The following CEP85L variants were observed in gnomAD, a reference collection of about 807,000 sequenced individuals.
The protein encoded by CEP85L is centrosomal protein of 85 kDa-like.
A neutral mutation model predicts 100.3 loss-of-function variants in CEP85L; 60 were observed. The ratio of observed to expected loss-of-function variants is 0.60; its 90% CI spans 0.49 to 0.74. CEP85L has a LOEUF of 0.74. CEP85L is among the 30% of genes least tolerant of loss of function. The pLI is 0.00. For missense variants in CEP85L, 973 were observed against 936.2 expected (o/e 1.04, Z -0.51); for synonymous variants, 319 against 322.7 (o/e 0.99, Z 0.12).
intron 2 of CEP85L, among the ~76,000 whole-genome samples, chr6:118,581,973 A>T (rs994466234): frequency 6.6e-6 from 1 of 152,146 alleles, no homozygotes; most frequent in East Asian, 1.9e-4. Context: ...CCCTATGTAC[A>T]GACTTTCTTT....
At position 118,637,988 on chromosome 6, in the gene CEP85L, T is replaced by C. The variant is rs956491168; in HGVS notation, c.74-5377A>G. ...TTTTCAGCTATCAATCTAGCAAAAATGTTAAAAGAACAAAACAACAGTGTT... is the reference window on the plus strand; with the variant it reads ...TTTTCAGCTATCAATCTAGCAAAAACGTTAAAAGAACAAAACAACAGTGTT... On this transcript the variant is annotated intron_variant, in intron 1 of 12. Coordinates refer to ENST00000368491, the MANE Select transcript of CEP85L (RefSeq NM_001042475.3). 2.0e-5 allele frequency among the ~76,000 whole-genome samples: 3 copies of C among 152,182 alleles called. No individual in the cohort carries two copies. In the East Asian group the frequency reaches 5.8e-4, roughly 29 times the overall value.
intron 1 of CEP85L, chr6:118,646,967 T>C: frequency 2.0e-6 from 2 of 985,392 alleles, no homozygotes; most frequent in Non-Finnish European, 2.4e-6. Flanking sequence ...AGTGATCAAA[T>C]TCCAATTATT....
At chr6:118,691,039 T>G (rs62423996) in intron 1 of CEP85L, among the ~76,000 whole-genome samples, 36,143 of 147,308 alleles carry the variant, frequency 0.25, 4,987 homozygotes, top group Non-Finnish European at 0.35. Context: ...AAGAGAAAGA[T>G]AAAAAGAAAG....
intron 1 of CEP85L, 103 bp downstream of exon 1, chr6:118,651,094 G>A: frequency 5.0e-6 from 7 of 1,392,912 alleles, no homozygotes; most frequent in Non-Finnish European, 5.5e-6. Flanking sequence ...GAGGCGGCCG[G>A]GGTAAGACAG....
intron 1 of CEP85L, among the ~76,000 whole-genome samples, chr6:118,705,815 G>A (rs1322528637): frequency 6.6e-6 from 1 of 152,102 alleles, no homozygotes; most frequent in Non-Finnish European, 1.5e-5. Context: ...CCAAACACTA[G>A]GGCAGAGTAA....
At chr6:118,466,223 C>A (rs1015121065) in intron 12 of CEP85L, among the ~76,000 whole-genome samples, 1 of 152,182 alleles carries the variant, frequency 6.6e-6, no homozygotes, top group Non-Finnish European at 1.5e-5. Context: ...GTAAGCATAT[C>A]TCAACATAAA....
intron 3 of CEP85L, among the ~76,000 whole-genome samples, chr6:118,541,374 T>C (rs769584453): frequency 6.6e-6 from 1 of 152,238 alleles, no homozygotes; most frequent in Non-Finnish European, 1.5e-5. Context: ...TGTATAACTC[T>C]CAGTAGCGTA....
intron 1 of CEP85L, among the ~76,000 whole-genome samples, chr6:118,674,827 G>A (rs1776430470): frequency 6.6e-6 from 1 of 152,210 alleles, no homozygotes; most frequent in Non-Finnish European, 1.5e-5. Flanking sequence ...TGACGAGGAT[G>A]TGGAGAAATT....
chr6:118,691,739 C>CA (rs112878584), intron 1 of CEP85L, among the ~76,000 whole-genome samples: 39,104 of 133,894 alleles, frequency 0.29, 5,597 homozygotes, highest in Non-Finnish European at 0.34. Context: ...AACTCCATCT[C>CA]AAAAAAAAAA....
chr6:118,498,946 A>T (rs1775101095), intron 5 of CEP85L, among the ~76,000 whole-genome samples: 1 of 152,216 alleles, frequency 6.6e-6, no homozygotes, highest in African/African-American at 2.4e-5. Flanking sequence ...GAAATCAAAA[A>T]CAGAAAGACA....
At chr6:118,675,460 C>T (rs183466783) in intron 1 of CEP85L, among the ~76,000 whole-genome samples, 4 of 151,964 alleles carry the variant, frequency 2.6e-5, no homozygotes, top group African/African-American at 4.8e-5. Flanking sequence ...CATTAAAAAC[C>T]GCTAGACTGT....
chr6:118,525,273 A>G (rs1776899939), intron 3 of CEP85L, among the ~76,000 whole-genome samples: 2 of 152,226 alleles, frequency 1.3e-5, no homozygotes, highest in African/African-American at 4.8e-5. Flanking sequence ...AGAAACTAAC[A>G]TGGCAGATAT....
At chr6:118,708,071 C>T (rs1486132627) in intron 1 of CEP85L, among the ~76,000 whole-genome samples, 2 of 152,130 alleles carry the variant, frequency 1.3e-5, no homozygotes, top group Non-Finnish European at 2.9e-5. Flanking sequence ...AGAGTTCAAT[C>T]CTATAAAATA....
chr6:118,668,311 TA>T (rs1776193265), intron 1 of CEP85L, among the ~76,000 whole-genome samples: 2 of 152,216 alleles, frequency 1.3e-5, no homozygotes, highest in Admixed American at 1.3e-4. Flanking sequence ...TGCAGAGTTT[TA>T]AAATTATTAC....
At chr6:118,522,621 T>TA (rs1186418495) in intron 4 of CEP85L, among the ~76,000 whole-genome samples, 1 of 152,206 alleles carries the variant, frequency 6.6e-6, no homozygotes, top group Non-Finnish European at 1.5e-5. Flanking sequence ...CTCATGTTTG[T>TA]AATCCTAGCA....
chr6:118,515,369 C>T (rs570768684), intron 4 of CEP85L, among the ~76,000 whole-genome samples: 1 of 152,160 alleles, frequency 6.6e-6, no homozygotes, highest in African/African-American at 2.4e-5. Flanking sequence ...AAGACAAAAA[C>T]ACTATCAACT....
chr6:118,583,570 A>T (rs1217112966), intron 2 of CEP85L, among the ~76,000 whole-genome samples: 1 of 152,164 alleles, frequency 6.6e-6, no homozygotes, highest in Non-Finnish European at 1.5e-5. Flanking sequence ...GGAAGCTAAC[A>T]TTAATGTGGA....
At chr6:118,696,025 C>T (rs547197839) in intron 1 of CEP85L, among the ~76,000 whole-genome samples, 1 of 152,164 alleles carries the variant, frequency 6.6e-6, no homozygotes, top group Non-Finnish European at 1.5e-5. Flanking sequence ...AATCCCAGCA[C>T]TTTGGGAGGC....
chr6:118,676,066 A>AT lies in CEP85L; in HGVS notation c.-27-23259dup, dbSNP rs894399092. Among the ~76,000 whole-genome samples, 12 of 151,962 alleles carry AT rather than the reference A, an allele frequency of 7.9e-5. 1 individual carries two copies. The highest frequency in any genetic ancestry group is 2.4e-4 in the African/African-American group (10 of 41,436). On this transcript the variant is annotated intron_variant, in intron 1 of 13. Transcript: ENST00000368488. ...TACTATTGTTATTGTCGTTATTACTATTTTTTTTACTATTATTAGTCAGCT... is the reference window on the plus strand; with the variant it reads ...TACTATTGTTATTGTCGTTATTACTATTTTTTTTTACTATTATTAGTCAGCT...
Sources: allele counts gnomAD v4.1 joint callset (sites outside exome capture counted in the v4.1 genomes callset), GRCh38; gene constraint gnomAD v4.1.1; transcripts MANE v1.5; gene names NCBI Gene and HGNC (gene_info 2026-07-23, HGNC 2026-07-21).